AKAP12: variants seen among roughly 807,000 people sequenced by gnomAD.
AKAP12 encodes the protein A-kinase anchor protein 12.
In AKAP12, 32 loss-of-function variants were observed where a neutral mutation model predicts 79.9. The observed-to-expected ratio is 0.40, with a 90% confidence interval of 0.30 to 0.54. The LOEUF (loss-of-function observed/expected upper bound fraction) is 0.54. AKAP12 is among the 20% of genes least tolerant of loss of function. The pLI is 0.48. For missense variants in AKAP12, 2,074 were observed against 2,177.0 expected (o/e 0.95, Z 0.94); for synonymous variants, 808 against 857.0 (o/e 0.94, Z 1.00).
rs1426707804 is a variant in AKAP12, at chr6:151,247,081, C to T, written c.162+6357C>T. On this transcript the variant is annotated intron_variant, in intron 2 of 4. Coordinates refer to ENST00000402676, the MANE Select transcript of AKAP12 (RefSeq NM_005100.4). ...GTGCTGAGATTACAGGTGTGAGCCC[C>T]CATGCCCTGCCCAATTAATTTTTAA... 2.0e-5 allele frequency among the ~76,000 whole-genome samples: 3 copies of T among 152,002 alleles called. No homozygotes were observed. In the East Asian group the frequency reaches 5.9e-4, roughly 30 times the overall value.
chr6:151,351,255 C>A lies in AKAP12; in HGVS notation c.2864C>A (p.Pro955Gln). Residue 955 changes from proline (P) to glutamine (Q), a missense_variant, in exon 4 of 5, where the codon CCA becomes CAA. By Grantham distance (76) the Pro-to-Gln change is moderately conservative. This residue lies in a region of AKAP12 where 1,428 missense variants were observed against 1,451.0 expected (regional missense o/e 0.98). Transcript: ENST00000402676. The surrounding 1 kb of genome is among the most constrained non-coding windows in gnomAD (Gnocchi z 4.4). ...EEPPTVTEPL[P>Q]ENREARGDTV... is the part of the protein sequence containing the mutation. ...CCCCCCACGGTTACTGAACCTCTGC[C>A]AGAGAACAGAGAGGCCCGGGGCGAC... 6.2e-7 allele frequency: 1 copy of A among 1,614,180 alleles called. No individual in the cohort carries two copies. Among genetic ancestry groups the A allele is most frequent in the Non-Finnish European group, 8.5e-7 (1 of 1,180,044 alleles).
chr6:151,266,956 G>T (rs12208762), intron 2 of AKAP12, among the ~76,000 whole-genome samples: 14 of 147,980 alleles, frequency 9.5e-5, no homozygotes, highest in African/African-American at 3.3e-4. Flanking sequence ...GGTGGAGCCT[G>T]CCGTGAGCCG....
At chr6:151,326,063 T>C (rs1473326639) in intron 3 of AKAP12, among the ~76,000 whole-genome samples, 1 of 152,190 alleles carries the variant, frequency 6.6e-6, no homozygotes, top group Non-Finnish European at 1.5e-5. Flanking sequence ...ACATTCTCCC[T>C]TGGGCTCAGC....
intron 3 of AKAP12, among the ~76,000 whole-genome samples, chr6:151,311,681 T>G (rs892796318): frequency 1.3e-5 from 2 of 152,218 alleles, no homozygotes. Flanking sequence ...GAGAATTTCA[T>G]TTTTCTAATG....
At chr6:151,252,482 C>A (rs908688677) in intron 2 of AKAP12, among the ~76,000 whole-genome samples, 3 of 151,930 alleles carry the variant, frequency 2.0e-5, no homozygotes, top group Admixed American at 1.3e-4. Context: ...AGGCATGAGC[C>A]ACCGTGCCTG....
intron 3 of AKAP12, among the ~76,000 whole-genome samples, chr6:151,337,717 T>G (rs182447149): frequency 2.2e-4 from 33 of 150,378 alleles, no homozygotes; most frequent in Admixed American, 1.9e-3. Flanking sequence ...CGGGTTTCTG[T>G]TATAAGTCAT....
chr6:151,242,683 A>G (rs1420559295), intron 2 of AKAP12, among the ~76,000 whole-genome samples: 1 of 152,068 alleles, frequency 6.6e-6, no homozygotes, highest in Non-Finnish European at 1.5e-5. Flanking sequence ...AAGTAATCCC[A>G]TCTCCCACTC....
At chr6:151,347,497 C>T (rs745560261) in intron 3 of AKAP12, among the ~76,000 whole-genome samples, 9 of 152,216 alleles carry the variant, frequency 5.9e-5, no homozygotes, top group Admixed American at 5.9e-4. Flanking sequence ...TGCACTACCT[C>T]GTTGACTCAC....
chr6:151,315,793 G>A (rs761262896), intron 3 of AKAP12, among the ~76,000 whole-genome samples: 1 of 152,146 alleles, frequency 6.6e-6, no homozygotes, highest in Non-Finnish European at 1.5e-5. Flanking sequence ...GCAGGGGCGG[G>A]GAGGCCTCAG....
At chr6:151,269,644 C>T (rs17080990) in intron 2 of AKAP12, among the ~76,000 whole-genome samples, 8,578 of 152,214 alleles carry the variant, frequency 0.056, 304 homozygotes, top group African/African-American at 0.093. Flanking sequence ...ACTTTGCCTC[C>T]GAGCACTCTT....
chr6:151,240,316 G>A (rs1274971573), intron 1 of AKAP12, 68 bp from the exon 2 acceptor site: 6 of 380,164 alleles, frequency 1.6e-5, no homozygotes, highest in Non-Finnish European at 2.8e-5. Context: ...ATGAAGCGAG[G>A]GAAAAACCGG....
At chr6:151,240,993 C>A (rs1796962571) in intron 2 of AKAP12, among the ~76,000 whole-genome samples, 1 of 152,198 alleles carries the variant, frequency 6.6e-6, no homozygotes, top group Admixed American at 6.5e-5. Context: ...ATAATAAAAC[C>A]CGCGCCCTGC....
chr6:151,346,871 TTA>T (rs1778114006), intron 3 of AKAP12, among the ~76,000 whole-genome samples: 1 of 152,222 alleles, frequency 6.6e-6, no homozygotes, highest in African/African-American at 2.4e-5. Flanking sequence ...AAAGTGGAAG[TTA>T]TATCTATATT....
intron 2 of AKAP12, among the ~76,000 whole-genome samples, chr6:151,262,719 C>T (rs1797462398): frequency 6.6e-6 from 1 of 152,036 alleles, no homozygotes; most frequent in Admixed American, 6.6e-5. Context: ...TTCTTCTTCC[C>T]TCCCCACCCC....
Position 151,353,549 on chromosome 6 carries a change from T to A in AKAP12, c.5158T>A (p.Ser1720Thr). Residue 1720 changes from serine to threonine, a missense_variant, in exon 4 of 5, where the codon TCA becomes ACA. Transcript: ENST00000402676. ...CTCAGCCCTGGCTGATACTGATGCCTCAGGAGGCTTAACCAAAGAGTCCCC... is the reference window on the plus strand; with the variant it reads ...CTCAGCCCTGGCTGATACTGATGCCACAGGAGGCTTAACCAAAGAGTCCCC... ...QNSALADTDA[S>T]GGLTKESPDT... 6.2e-7 allele frequency: 1 copy of A among 1,614,110 alleles called. No individual in the cohort carries two copies. Among genetic ancestry groups the A allele is most frequent in the Non-Finnish European group, 8.5e-7 (1 of 1,180,016 alleles).
rs1778230782 is a variant in AKAP12 at position 151,349,948 on chromosome 6, T to G, written c.1557T>G (p.Leu519=). 2 of 1,613,984 alleles carry G rather than the reference T, an allele frequency of 1.2e-6. No individual in the cohort carries two copies. The highest frequency in any genetic ancestry group is 8.5e-7 in the Non-Finnish European group (1 of 1,179,998). Reference sequence around the variant, plus strand: ...TGCAGGGAAGTCCACTAAAGAAGCTTTTTACCAGCACTGGCTTAAAAAAGC... The same window carrying G: ...TGCAGGGAAGTCCACTAAAGAAGCTGTTTACCAGCACTGGCTTAAAAAAGC... The part of the protein sequence containing the change: ...MKVQGSPLKK[L]FTSTGLKKLS... The change falls in exon 4 of 5, where the codon CTT becomes CTG. Residue 519 remains leucine, a synonymous_variant. Transcript: ENST00000402676.
At chr6:151,258,413 A>G (rs549685457) in intron 2 of AKAP12, among the ~76,000 whole-genome samples, 1 of 152,338 alleles carries the variant, frequency 6.6e-6, no homozygotes, top group South Asian at 2.1e-4. Flanking sequence ...TGAGAAGGAC[A>G]CTGATTTATT....
intron 3 of AKAP12, among the ~76,000 whole-genome samples, chr6:151,330,357 T>A (rs1777636887): frequency 6.6e-6 from 1 of 152,188 alleles, no homozygotes; most frequent in Non-Finnish European, 1.5e-5. Context: ...ATGGGATCCT[T>A]GCTTTTATGA....
At chr6:151,336,335 A>C (rs990731190) in intron 3 of AKAP12, among the ~76,000 whole-genome samples, 9 of 152,196 alleles carry the variant, frequency 5.9e-5, no homozygotes, top group African/African-American at 1.9e-4. Flanking sequence ...TTCCTTGAGA[A>C]ATCTCCATAT....
Sources: gnomAD v4.1 joint callset for allele counts (sites outside exome capture counted in the v4.1 genomes callset) on GRCh38, gnomAD v4.1.1 for gene constraint, gnomAD v4.1.1 regional missense constraint, Gnocchi (gnomAD v3.1) non-coding constraint, MANE v1.5 for transcripts, NCBI Gene and HGNC (gene_info 2026-07-23, HGNC 2026-07-21) for gene names.